The following ZNF169 variants were observed in gnomAD, a reference collection of about 807,000 sequenced individuals.
ZNF169 encodes zinc finger protein 169.
In ZNF169, 11 loss-of-function variants were observed where a neutral mutation model predicts 12.0. That is an observed-to-expected ratio of 0.92 (90% CI 0.58 to 1.52). ZNF169 has a LOEUF of 1.52. ZNF169 is among the 40% of genes most tolerant of loss of function. The pLI is 0.00. For synonymous variants in ZNF169, 302 were observed against 286.5 expected (o/e 1.05, Z -0.55); for missense variants, 722 against 744.0 (o/e 0.97, Z 0.34).
chr9:94,267,402 A>G (rs1173646471), intron 1 of ZNF169, among the ~76,000 whole-genome samples: 1 of 152,206 alleles, frequency 6.6e-6, no homozygotes, highest in African/African-American at 2.4e-5. Context: ...GCCTTGGTAA[A>G]ACAACCAGTT....
Position 94,264,292 on chromosome 9 carries a change from T to C in ZNF169, c.-56+4947T>C, listed in dbSNP as rs566193646. On this transcript the variant is annotated intron_variant, in intron 1 of 4. Coordinates refer to ENST00000395395, the MANE Select transcript of ZNF169 (RefSeq NM_194320.4). ...CTGGGATTACAGGCATACGCTACCA[T>C]GCCCAGCTAATTTTTGTATTTTTAG... 3.3e-5 allele frequency among the ~76,000 whole-genome samples: 5 copies of C among 152,246 alleles called. No homozygotes were observed. In the South Asian group the frequency reaches 8.3e-4, roughly 25 times the overall value.
rs376106384 is a variant in ZNF169 at position 94,301,412 on chromosome 9, A to C, written c.*42A>C. 28 of 1,515,888 alleles carry C rather than the reference A, an allele frequency of 1.8e-5. No homozygotes were observed. Among genetic ancestry groups the C allele is most frequent in the Non-Finnish European group, 2.4e-5 (27 of 1,132,162 alleles). 93.9% of individuals were successfully genotyped at this position (1,515,888 alleles called of 1,614,324 possible). On this transcript the variant is annotated 3_prime_UTR_variant, in exon 5 of 5. Coordinates refer to ENST00000395395, the MANE Select transcript of ZNF169 (RefSeq NM_194320.4). ...GAGTGTGAAGCTGGCAGAAATCACT[A>C]GTAAATGCTTCAGTTTCCTGAAATG...
chr9:94,269,266 G>C (rs12347577), intron 1 of ZNF169, among the ~76,000 whole-genome samples: 29,561 of 152,034 alleles, frequency 0.19, 3,193 homozygotes, highest in East Asian at 0.37. Flanking sequence ...CAACCAAAAT[G>C]CAAAGGGGGT....
chr9:94,301,010 G>A lies in ZNF169; in HGVS notation c.1452G>A (p.Lys484=), dbSNP rs768076582. Reference sequence around the variant, plus strand: ...ACCAGAGGACACACACAGGGGAGAAGCCTTATCTGTGCCCCAAGTGTGGGC... The same window carrying A: ...ACCAGAGGACACACACAGGGGAGAAACCTTATCTGTGCCCCAAGTGTGGGC... ...IRHQRTHTGE[K]PYLCPKCGRA... is the part of the protein sequence containing the mutation. Residue 484 remains lysine, a synonymous_variant, in exon 5 of 5, where the codon AAG becomes AAA. Coordinates refer to ENST00000395395, the MANE Select transcript of ZNF169 (RefSeq NM_194320.4). 1 of 1,614,048 alleles carries A rather than the reference G, an allele frequency of 6.2e-7. No homozygotes were observed. Among genetic ancestry groups the A allele is most frequent in the Non-Finnish European group, 8.5e-7 (1 of 1,180,040 alleles).
At chr9:94,298,671 G>A (rs1830997052) in intron 4 of ZNF169, among the ~76,000 whole-genome samples, 1 of 147,684 alleles carries the variant, frequency 6.8e-6, no homozygotes, top group Non-Finnish European at 1.5e-5. Context: ...AGAGGTTGCA[G>A]TCAGCCAAGA....
In ZNF169 at chr9:94,277,548, T is replaced by C. The variant is rs1005700458; in HGVS notation, c.-55-1210T>C. Among the ~76,000 whole-genome samples, 51 of 152,176 alleles carry C rather than the reference T, an allele frequency of 3.4e-4. 1 individual carries two copies. Among genetic ancestry groups the C allele is most frequent in the Non-Finnish European group, 7.2e-4 (49 of 68,030 alleles). On this transcript the variant is annotated intron_variant, in intron 1 of 4. Coordinates refer to ENST00000395395, the MANE Select transcript of ZNF169 (RefSeq NM_194320.4). ...TCAGATTGGAAAGTAAGTCATGATA[T>C]ACAGGGTTAAATAAAACACATCTGA...
In ZNF169 at chr9:94,261,744, A is replaced by G. The variant is rs1830211532; in HGVS notation, c.-56+2399A>G. ...CCTCGTGGAGCTGCTGTGAATGTAG[A>G]ACGAAGTAAAACTTGTGTATGACAC... is the stretch of plus-strand genomic sequence containing the variant. On this transcript the variant is annotated intron_variant, in intron 1 of 4. Transcript: ENST00000395395. 2.0e-5 allele frequency among the ~76,000 whole-genome samples: 3 copies of G among 152,314 alleles called. No homozygotes were observed. In the South Asian group the frequency reaches 6.2e-4, roughly 32 times the overall value.
At chr9:94,274,166 T>C (rs1053644952) in intron 1 of ZNF169, among the ~76,000 whole-genome samples, 2 of 152,298 alleles carry the variant, frequency 1.3e-5, no homozygotes, top group Admixed American at 6.5e-5. Context: ...ACCAGTTATA[T>C]TGGAGTAGGG....
At chr9:94,279,049 G>A (rs889726793) in intron 2 of ZNF169, among the ~76,000 whole-genome samples, 1 of 151,964 alleles carries the variant, frequency 6.6e-6, no homozygotes, top group African/African-American at 2.4e-5. Context: ...ATCACATCCT[G>A]GGCAGTTAAA....
intron 1 of ZNF169, among the ~76,000 whole-genome samples, chr9:94,276,960 T>C (rs1830531501): frequency 6.6e-6 from 1 of 152,126 alleles, no homozygotes; most frequent in East Asian, 1.9e-4. Context: ...CAAATATGAG[T>C]GACCATGGCC....
intron 4 of ZNF169, among the ~76,000 whole-genome samples, chr9:94,298,940 G>C (rs540222688): frequency 2.6e-5 from 4 of 152,118 alleles, no homozygotes; most frequent in Admixed American, 2.0e-4. Flanking sequence ...TTTGTGCATG[G>C]ATAAGAATAT....
chr9:94,271,889 G>A (rs1469029112), intron 1 of ZNF169, among the ~76,000 whole-genome samples: 1 of 151,258 alleles, frequency 6.6e-6, no homozygotes, highest in Non-Finnish European at 1.5e-5. Flanking sequence ...GGATTATGTT[G>A]GCCTCATAAA....
At chr9:94,295,199 A>G (rs1317020241) in intron 4 of ZNF169, 2 of 152,142 alleles carry the variant, frequency 1.3e-5, no homozygotes, top group Non-Finnish European at 2.9e-5. Flanking sequence ...CTGGTGGTGC[A>G]TGCCTGAAAT....
At chr9:94,269,455 A>C (rs1371719839) in intron 1 of ZNF169, among the ~76,000 whole-genome samples, 1 of 152,152 alleles carries the variant, frequency 6.6e-6, no homozygotes, top group Non-Finnish European at 1.5e-5. Context: ...CGCATGCATG[A>C]AACAGCCCTC....
At position 94,301,012 on chromosome 9, in the gene ZNF169, C is replaced by T. The variant is rs1831060509; in HGVS notation, c.1454C>T (p.Pro485Leu). The change falls in exon 5 of 5, where the codon CCT becomes CTT. Residue 485 changes from proline (P) to leucine (L), a missense_variant. Pro to Leu is a moderately conservative substitution (Grantham distance 98, BLOSUM62 -3). Coordinates refer to ENST00000395395, the MANE Select transcript of ZNF169 (RefSeq NM_194320.4). Reference protein sequence around the residue: ...RHQRTHTGEKPYLCPKCGRAF... With the variant: ...RHQRTHTGEKLYLCPKCGRAF... ...CAGAGGACACACACAGGGGAGAAGC[C>T]TTATCTGTGCCCCAAGTGTGGGCGT... 12 of 1,613,498 alleles carry T rather than the reference C, an allele frequency of 7.4e-6. No homozygotes were observed. In the South Asian group the frequency reaches 1.2e-4, roughly 16 times the overall value.
intron 4 of ZNF169, chr9:94,296,978 C>A: frequency 3.0e-6 from 1 of 334,244 alleles, no homozygotes; most frequent in Non-Finnish European, 5.9e-6. Flanking sequence ...ACTCGGGAGG[C>A]GGAGGTTGCA....
At chr9:94,281,148 G>A (rs1830623806) in intron 2 of ZNF169, among the ~76,000 whole-genome samples, 2 of 152,166 alleles carry the variant, frequency 1.3e-5, no homozygotes, top group Non-Finnish European at 2.9e-5. Flanking sequence ...ATCTAGAATA[G>A]TGTCTCTTAG....
intron 1 of ZNF169, among the ~76,000 whole-genome samples, chr9:94,266,750 G>T (rs1830299698): frequency 6.6e-6 from 1 of 152,140 alleles, no homozygotes; most frequent in East Asian, 1.9e-4. Flanking sequence ...GGTGAAACTA[G>T]AATTTAACAA....
intron 2 of ZNF169, chr9:94,287,845 T>C (rs2118628323): frequency 9.4e-7 from 1 of 1,067,202 alleles, no homozygotes; most frequent in East Asian, 2.4e-5. Context: ...TTGTTCATTT[T>C]AGCCGAGAAG....
Sources: allele counts gnomAD v4.1 joint callset (sites outside exome capture counted in the v4.1 genomes callset), GRCh38; gene constraint gnomAD v4.1.1; transcripts MANE v1.5; gene names NCBI Gene and HGNC (gene_info 2026-07-23, HGNC 2026-07-21).